Variants in ANO1 observed in about 807,000 individuals in gnomAD.
ANO1 encodes the protein anoctamin 1.
In ANO1, 59 loss-of-function variants were observed where a neutral mutation model predicts 124.0. The ratio of observed to expected loss-of-function variants is 0.48; its 90% CI spans 0.39 to 0.59. The LOEUF (loss-of-function observed/expected upper bound fraction) is 0.59, where lower values mean the gene tolerates loss of function less well. Ranked by LOEUF, ANO1 falls within the 20% of genes least tolerant of loss-of-function variation. ANO1 has a pLI of 0.00. For synonymous variants in ANO1, 529 were observed against 532.0 expected, an observed-to-expected ratio of 0.99 and a Z score of 0.08; for missense variants, 1,059 against 1,328.0, an observed-to-expected ratio of 0.80 and a Z score of 3.15.
intron 5 of ANO1, among the ~76,000 whole-genome samples, chr11:70,107,610 C>G (rs974687246): frequency 5.9e-5 from 9 of 152,098 alleles, no homozygotes; most frequent in Non-Finnish European, 1.3e-4. Flanking sequence ...CATAGCACGA[C>G]CAGTTCTTCT....
Position 70,170,929 on chromosome 11 carries a change from C to G in ANO1, c.2240C>G (p.Pro747Arg). Residue 747 changes from proline to arginine, a missense_variant, in exon 22 of 26, where the codon CCC becomes CGC. This residue lies in a region of ANO1 where 809 missense variants were observed against 1,094.9 expected (regional missense o/e 0.74). Coordinates refer to ENST00000355303, the MANE Select transcript of ANO1 (RefSeq NM_018043.7). ...GFVTLFVASF[P>R]LAPLFALLNN... ...GTCACCCTGTTTGTCGCCTCCTTCC[C>G]CCTGGCCCCACTGTTTGCGCTGCTG... 1 of 1,613,570 alleles carries G rather than the reference C, an allele frequency of 6.2e-7. No homozygotes were observed. Among genetic ancestry groups the G allele is most frequent in the Non-Finnish European group, 8.5e-7 (1 of 1,179,760 alleles).
intron 24 of ANO1, among the ~76,000 whole-genome samples, chr11:70,182,971 T>G (rs1368788934): frequency 1.3e-5 from 2 of 152,014 alleles, no homozygotes; most frequent in Non-Finnish European, 2.9e-5. Flanking sequence ...TAGCCGGGCG[T>G]TGTGGCACTC....
chr11:70,078,701 C>A lies in ANO1; in HGVS notation c.95C>A (p.Pro32Gln). 6.7e-7 allele frequency: 1 copy of A among 1,484,020 alleles called. No individual in the cohort carries two copies. Among genetic ancestry groups the A allele is most frequent in the Non-Finnish European group, 9.0e-7 (1 of 1,105,368 alleles). The allele number at this position is 1,484,020 out of a possible 1,614,324, so 91.9% of individuals were successfully genotyped here. A position where few individuals can be genotyped will look rare whatever the true frequency, so the allele number is the denominator to read the frequency against. Residue 32 changes from proline to glutamine, a missense_variant, in exon 1 of 26, where the codon CCG (proline) becomes CAG (glutamine). Around this residue, in one of 2 missense-constraint regions of ANO1, gnomAD observed 250 missense variants for 233.1 expected, o/e 1.07. Coordinates refer to ENST00000355303, the MANE Select transcript of ANO1 (RefSeq NM_018043.7). ...GCCATCGAGGACATCGGCTACCTGC[C>A]GTCCGAGGGCACGGTGAGTGCGGGC... is the stretch of plus-strand genomic sequence containing the variant. ...ICAIEDIGYL[P>Q]SEGTLLNSLS...
chr11:70,042,116 T>A (rs1480700392), intron 1 of ANO1, among the ~76,000 whole-genome samples: 1 of 152,076 alleles, frequency 6.6e-6, no homozygotes, highest in Non-Finnish European at 1.5e-5. Context: ...GAAGGATGCA[T>A]GAGAGGCTCG....
chr11:70,090,848 G>A (rs2044598987), intron 2 of ANO1, among the ~76,000 whole-genome samples: 2 of 152,208 alleles, frequency 1.3e-5, no homozygotes. Context: ...CCATGTTTAA[G>A]ATGAAACCGT....
chr11:70,095,399 AAAG>A (rs1408728627), intron 2 of ANO1, among the ~76,000 whole-genome samples: 564 of 41,844 alleles, frequency 0.013, 67 homozygotes, highest in South Asian at 0.017. Context: ...AGAAAGAAAG[AAAG>A]AAAGAAAGAA....
At chr11:69,989,452 T>C (rs782424880) in intron 1 of ANO1, among the ~76,000 whole-genome samples, 1 of 151,526 alleles carries the variant, frequency 6.6e-6, no homozygotes, top group Admixed American at 6.6e-5. Flanking sequence ...CGTCTTCTTC[T>C]TGAGTGTGCT....
rs371034128 is a variant in ANO1, at chr11:70,108,450, G to A, written c.799+46G>A. On this transcript the variant is annotated intron_variant, in intron 6 of 25. Coordinates refer to ENST00000355303, the MANE Select transcript of ANO1 (RefSeq NM_018043.7). ...TGAGATCAGCATTGGTTTCCAAGTCGGAATCTCACCTCCGAGTCATCTCTG... is the reference window on the plus strand; with the variant it reads ...TGAGATCAGCATTGGTTTCCAAGTCAGAATCTCACCTCCGAGTCATCTCTG... The A allele has an allele frequency of 1.2e-4, 187 of 1,590,638 alleles. 1 individual carries two copies. Among genetic ancestry groups the A allele is most frequent in the South Asian group, 6.3e-4 (57 of 89,822 alleles).
intron 5 of ANO1, among the ~76,000 whole-genome samples, chr11:70,107,891 C>T (rs1048600018): frequency 3.3e-5 from 5 of 152,216 alleles, no homozygotes; most frequent in African/African-American, 9.6e-5. Context: ...TCCCAAGGCC[C>T]GCCCCACCAC....
chr11:70,155,882 G>T, intron 14 of ANO1, 29 bp from the exon 15 acceptor site: 1 of 1,529,116 alleles, frequency 6.5e-7, no homozygotes, highest in South Asian at 1.2e-5. Flanking sequence ...TTCACCGCAC[G>T]GTGCTCTCTT....
At chr11:70,112,999 C>T (rs2045848538) in intron 7 of ANO1, among the ~76,000 whole-genome samples, 5 of 152,196 alleles carry the variant, frequency 3.3e-5, no homozygotes, top group South Asian at 2.1e-4. Flanking sequence ...CCCGTCACCT[C>T]GTCGCCTCCC....
intron 1 of ANO1, among the ~76,000 whole-genome samples, chr11:70,049,159 G>A (rs943393574): frequency 3.9e-5 from 6 of 152,144 alleles, no homozygotes; most frequent in Non-Finnish European, 5.9e-5. Flanking sequence ...ACCTCAGCAG[G>A]CTAAACCATG....
intron 11 of ANO1, among the ~76,000 whole-genome samples, chr11:70,134,494 G>A (rs2135538490): frequency 6.6e-6 from 1 of 152,344 alleles, no homozygotes; most frequent in South Asian, 2.1e-4. Flanking sequence ...ATGAGGATCA[G>A]AGGCGACGGA....
At position 70,149,806 on chromosome 11, in the gene ANO1, C is replaced by CCGCCGTGCATATCA. The variant is rs1218237048; in HGVS notation, c.1341+19_1341+32dup. ...GAAGAGGAAGAGGTCAGTGGGTTTG[C>CCGCCGTGCATATCA]CGCCGTGCATATCACGCCCTTCCCC... On this transcript the variant is annotated intron_variant, in intron 12 of 25. Coordinates refer to ENST00000355303, the MANE Select transcript of ANO1 (RefSeq NM_018043.7). 1.2e-5 allele frequency: 20 copies of CCGCCGTGCATATCA among 1,612,312 alleles called. No individual in the cohort carries two copies. The highest frequency in any genetic ancestry group is 1.6e-5 in the Non-Finnish European group (19 of 1,179,136).
chr11:70,126,836 G>A (rs111345453), intron 10 of ANO1, among the ~76,000 whole-genome samples: 12 of 145,498 alleles, frequency 8.2e-5, no homozygotes, highest in African/African-American at 1.3e-4. Flanking sequence ...CTCCCAGGAG[G>A]TGAGACGTGA....
rs2046553778 is a variant in ANO1, at chr11:70,127,138, T to G, written c.1097+943T>G. 1.4e-5 allele frequency among the ~76,000 whole-genome samples: 2 copies of G among 143,138 alleles called. 1 individual carries two copies. Among genetic ancestry groups the G allele is most frequent in the Non-Finnish European group, 3.0e-5 (2 of 65,966 alleles). The allele number at this position is 143,138 out of a possible 152,430, so 93.9% of individuals were successfully genotyped here. A position where few individuals can be genotyped will look rare whatever the true frequency, so the allele number is the denominator to read the frequency against. On this transcript the variant is annotated intron_variant, in intron 10 of 25. Coordinates refer to ENST00000355303, the MANE Select transcript of ANO1 (RefSeq NM_018043.7). ...TCTGGTGCTCCCAGGAGGTGAGACG[T>G]GAACGCTAGAGGCTTCGGTGCAGGC...
chr11:70,097,545 G>T (rs1408639078), intron 2 of ANO1, among the ~76,000 whole-genome samples: 1 of 152,220 alleles, frequency 6.6e-6, no homozygotes, highest in Non-Finnish European at 1.5e-5. Flanking sequence ...AGCCGTGCGG[G>T]TGGAGGGTAG....
chr11:69,978,244 G>A, the ANO1 span, among the ~76,000 whole-genome samples: 2 of 152,218 alleles, frequency 1.3e-5, no homozygotes, highest in African/African-American at 2.4e-5. Context: ...CGGGTCCGAC[G>A]AAAACAGCAA....
intron 6 of ANO1, chr11:70,111,173 C>T (rs899255599): frequency 8.7e-6 from 4 of 457,322 alleles, no homozygotes; most frequent in Non-Finnish European, 1.8e-5. Flanking sequence ...AAGTAAAAGG[C>T]GGAAATGTGG....
Sources: gnomAD v4.1 joint callset for allele counts (sites outside exome capture counted in the v4.1 genomes callset) on GRCh38, gnomAD v4.1.1 for gene constraint, gnomAD v4.1.1 regional missense constraint, MANE v1.5 for transcripts, NCBI Gene and HGNC (gene_info 2026-07-23, HGNC 2026-07-21) for gene names.